The following MEGF9 variants were observed in gnomAD, a reference collection of about 807,000 sequenced individuals.
The protein encoded by MEGF9 is multiple EGF like domains 9.
Under a neutral mutation model 46.8 loss-of-function variants are expected in MEGF9, and 6 were observed. That is an observed-to-expected ratio of 0.13 (90% CI 0.07 to 0.25). The LOEUF (loss-of-function observed/expected upper bound fraction) is 0.25. Among genes scored for constraint, MEGF9 ranks in the 10% least tolerant of loss-of-function variants. The pLI is 1.00. For synonymous variants in MEGF9, 302 were observed against 330.7 expected (o/e 0.91, Z 0.94); for missense variants, 683 against 792.4 (o/e 0.86, Z 1.66).
At chr9:120,658,016 C>T (rs2043685372) in intron 2 of MEGF9, among the ~76,000 whole-genome samples, 1 of 151,586 alleles carries the variant, frequency 6.6e-6, no homozygotes, top group African/African-American at 2.4e-5. Flanking sequence ...GACAGAGTCT[C>T]CCTCTCTCAC....
chr9:120,652,398 G>T (rs1226019605), intron 2 of MEGF9, among the ~76,000 whole-genome samples: 1 of 143,424 alleles, frequency 7.0e-6, no homozygotes, highest in East Asian at 2.1e-4. Flanking sequence ...GATCCATTGA[G>T]CCCAGGAGGT....
intron 1 of MEGF9, among the ~76,000 whole-genome samples, chr9:120,682,319 C>T (rs2043802131): frequency 6.6e-6 from 1 of 152,196 alleles, no homozygotes; most frequent in African/African-American, 2.4e-5. Flanking sequence ...GAGGTTGGGA[C>T]CAGATTTGCC....
chr9:120,655,970 T>C (rs1038900139), intron 2 of MEGF9, among the ~76,000 whole-genome samples: 6 of 152,180 alleles, frequency 3.9e-5, no homozygotes, highest in Non-Finnish European at 7.3e-5. Flanking sequence ...TTCTGGGACA[T>C]AAATGTAAAT....
At chr9:120,621,437 C>A (rs1351842952) in intron 3 of MEGF9, among the ~76,000 whole-genome samples, 1 of 152,182 alleles carries the variant, frequency 6.6e-6, no homozygotes, top group Non-Finnish European at 1.5e-5. Flanking sequence ...TCACTGTGTA[C>A]AATCTACTGT....
chr9:120,659,541 C>T lies in MEGF9; in HGVS notation c.636G>A (p.Leu212=). The change falls in exon 2 of 6, where the codon CTG becomes CTA. Residue 212 remains leucine (L), a synonymous_variant. Transcript: ENST00000373930. ...YVCNCSVVGS[L]NVNRCNQTTG... is the part of the protein sequence containing the mutation. Reference sequence around the variant, plus strand: ...TGGTCTGGTTGCAGCGATTCACATTCAGGCTTCCAACCACAGAGCAGTTAC... The same window carrying T: ...TGGTCTGGTTGCAGCGATTCACATTTAGGCTTCCAACCACAGAGCAGTTAC... 5 of 1,613,250 alleles carry T rather than the reference C, an allele frequency of 3.1e-6. No individual in the cohort carries two copies. Among genetic ancestry groups the T allele is most frequent in the Non-Finnish European group, 4.2e-6 (5 of 1,179,574 alleles).
Position 120,714,142 on chromosome 9 carries a change from G to A in MEGF9, c.217C>T (p.Pro73Ser). Residue 73 changes from proline (P) to serine (S), a missense_variant, in exon 1 of 6, where the codon CCC (proline) becomes TCC (serine). Physicochemically the swap from Pro to Ser is moderately conservative, Grantham distance 74. Around this residue, in one of 2 missense-constraint regions of MEGF9, gnomAD observed 370 missense variants for 371.3 expected, o/e 1.00. Transcript: ENST00000373930. Reference protein sequence around the residue: ...PSHPFPRATAPTAQAPRTGPP... With the variant: ...PSHPFPRATASTAQAPRTGPP... ...CCGGTCCTCGGGGCCTGGGCCGTGG[G>A]AGCCGTCGCCCTAGGGAAGGGGTGG... 8.1e-7 allele frequency: 1 copy of A among 1,236,428 alleles called. No individual in the cohort carries two copies. The highest frequency in any genetic ancestry group is 1.5e-5 in the African/African-American group (1 of 64,532). 76.6% of individuals were successfully genotyped at this position (1,236,428 alleles called of 1,614,324 possible). A position where few individuals can be genotyped will look rare whatever the true frequency, so the allele number is the denominator to read the frequency against.
chr9:120,625,485 T>G lies in MEGF9; in HGVS notation c.804-2730A>C, dbSNP rs1265824783. On this transcript the variant is annotated intron_variant, in intron 2 of 5. Transcript: ENST00000373930. ...GCTGAGTGTGCCATGATCGGGCCTG[T>G]GAATAGCCACTGTACTCCAGCCTGG... Among the ~76,000 whole-genome samples the G allele has an allele frequency of 2.0e-5, 3 of 151,984 alleles. 1 individual carries two copies. Among genetic ancestry groups the G allele is most frequent in the Non-Finnish European group, 4.4e-5 (3 of 67,998 alleles).
intron 4 of MEGF9, 73 bp from the exon 5 acceptor site, chr9:120,608,083 C>T (rs1056428600): frequency 2.6e-6 from 4 of 1,528,106 alleles, no homozygotes; most frequent in South Asian, 1.2e-5. Context: ...AACTACTAGT[C>T]CTTAAAAAGA....
chr9:120,689,104 C>A (rs767517729), intron 1 of MEGF9, among the ~76,000 whole-genome samples: 6 of 152,078 alleles, frequency 3.9e-5, no homozygotes, highest in Non-Finnish European at 7.4e-5. Flanking sequence ...GAAGCAATAT[C>A]GTGTGATAAG....
intron 2 of MEGF9, among the ~76,000 whole-genome samples, chr9:120,643,769 A>G (rs1319063931): frequency 6.7e-6 from 1 of 150,338 alleles, no homozygotes; most frequent in Non-Finnish European, 1.5e-5. Context: ...ATCATGGCTC[A>G]CTATAGCCTT....
chr9:120,612,994 A>G (rs1462718343), intron 3 of MEGF9, among the ~76,000 whole-genome samples: 2 of 147,232 alleles, frequency 1.4e-5, no homozygotes, highest in African/African-American at 5.0e-5. Flanking sequence ...ATGCCATTAC[A>G]CCCGGCTAAT....
intron 1 of MEGF9, among the ~76,000 whole-genome samples, chr9:120,700,581 C>T (rs1346323149): frequency 7.2e-5 from 11 of 152,126 alleles, no homozygotes; most frequent in Admixed American, 7.2e-4. Context: ...TTCCTCTCAT[C>T]AAGACTCAAT....
intron 1 of MEGF9, among the ~76,000 whole-genome samples, chr9:120,683,803 A>C (rs1412918691): frequency 6.6e-6 from 1 of 152,070 alleles, no homozygotes; most frequent in African/African-American, 2.4e-5. Context: ...CTGAGGCAGA[A>C]GGATCATCTA....
intron 4 of MEGF9, among the ~76,000 whole-genome samples, chr9:120,610,376 T>C (rs1587972191): frequency 1.3e-5 from 2 of 152,228 alleles, no homozygotes; most frequent in East Asian, 3.8e-4. Context: ...ATGCCTGTCA[T>C]GGGCAGACCA....
At chr9:120,709,846 C>T (rs1344034472) in intron 1 of MEGF9, among the ~76,000 whole-genome samples, 3 of 151,756 alleles carry the variant, frequency 2.0e-5, no homozygotes, top group East Asian at 1.9e-4. Context: ...GTCAGAAGTT[C>T]GAGACCAGCC....
At chr9:120,713,154 C>T (rs1036264891) in intron 1 of MEGF9, among the ~76,000 whole-genome samples, 1 of 152,184 alleles carries the variant, frequency 6.6e-6, no homozygotes, top group Non-Finnish European at 1.5e-5. Flanking sequence ...CCCAAATGAC[C>T]TACTGAATCC....
At chr9:120,615,556 G>A (rs188429201) in intron 3 of MEGF9, among the ~76,000 whole-genome samples, 2 of 151,846 alleles carry the variant, frequency 1.3e-5, no homozygotes, top group Admixed American at 1.3e-4. Flanking sequence ...ATAACCTTAC[G>A]TGGTAAACAA....
intron 2 of MEGF9, among the ~76,000 whole-genome samples, chr9:120,640,227 G>C (rs894596739): frequency 2.0e-5 from 3 of 152,126 alleles, no homozygotes; most frequent in Non-Finnish European, 2.9e-5. Flanking sequence ...CTTTGCTGTT[G>C]CTCAAATACA....
At chr9:120,678,186 T>C (rs1180036701) in intron 1 of MEGF9, among the ~76,000 whole-genome samples, 1 of 152,236 alleles carries the variant, frequency 6.6e-6, no homozygotes, top group African/African-American at 2.4e-5. Context: ...CTTTATCCAT[T>C]AGTCTGTTGA....
Sources: allele counts gnomAD v4.1 joint callset (sites outside exome capture counted in the v4.1 genomes callset), GRCh38; gene constraint gnomAD v4.1.1; regional missense constraint gnomAD v4.1.1; transcripts MANE v1.5; gene names NCBI Gene and HGNC (gene_info 2026-07-23, HGNC 2026-07-21).